The following SYNPO2 variants were observed in gnomAD, a reference collection of about 807,000 sequenced individuals.
SYNPO2 encodes the protein synaptopodin-2.
A neutral mutation model predicts 85.0 loss-of-function variants in SYNPO2; 56 were observed. The ratio of observed to expected loss-of-function variants is 0.66; its 90% CI spans 0.53 to 0.82. The LOEUF is 0.82. Ranked by LOEUF, SYNPO2 falls within the 40% of genes least tolerant of loss-of-function variation. The probability of loss-of-function intolerance (pLI) is 0.00; values close to 1 mark genes in which losing one functional copy is unlikely to be tolerated. For synonymous variants in SYNPO2, 602 were observed against 591.1 expected (o/e 1.02, Z -0.27); for missense variants, 1,575 against 1,534.2 (o/e 1.03, Z -0.44).
At chr4:119,012,959 C>A (rs867110910) in intron 1 of SYNPO2, among the ~76,000 whole-genome samples, 12 of 152,136 alleles carry the variant, frequency 7.9e-5, no homozygotes, top group African/African-American at 1.4e-4. Flanking sequence ...TCCTGTCCAA[C>A]TCAGATATTC....
At chr4:118,928,706 C>T (rs950086983) in intron 1 of SYNPO2, among the ~76,000 whole-genome samples, 1 of 152,062 alleles carries the variant, frequency 6.6e-6, no homozygotes, top group Non-Finnish European at 1.5e-5. Context: ...GGAGGTTAGC[C>T]TGTTTATTAG....
At chr4:118,856,921 A>G (rs1014284433) in intron 1 of SYNPO2, among the ~76,000 whole-genome samples, 4 of 152,168 alleles carry the variant, frequency 2.6e-5, no homozygotes, top group South Asian at 2.1e-4. Flanking sequence ...TTCATTCTGT[A>G]TGGTATTTTA....
chr4:118,969,709 C>T lies in SYNPO2; in HGVS notation c.106-53721C>T, dbSNP rs775764804. 1.3e-4 allele frequency among the ~76,000 whole-genome samples: 19 copies of T among 150,736 alleles called. No individual in the cohort carries two copies. In the East Asian group the frequency reaches 1.4e-3, roughly 11 times the overall value. On this transcript the variant is annotated intron_variant, in intron 1 of 4. Transcript: ENST00000307142. The stretch of plus-strand genomic sequence containing the variant: ...TTCTGGGGTTTTATTAAGTTCTGGG[C>T]GTTCTTTCTATAAGGTCACTAATAT...
rs181268862 is a variant in SYNPO2, at chr4:118,870,984, C to G, written c.12+20044C>G. Among the ~76,000 whole-genome samples, 51 of 152,318 alleles carry G rather than the reference C, an allele frequency of 3.3e-4. 1 individual carries two copies. The highest frequency in any genetic ancestry group is 1.1e-3 in the African/African-American group (45 of 41,574). On this transcript the variant is annotated intron_variant, in intron 1 of 4. Coordinates refer to the SYNPO2 transcript ENST00000610556. ...AGGAGAATATCAAGGTTCAGAAAGA[C>G]AAGTGACACCCAAGACTGCAGAAAT...
At chr4:118,965,887 C>T (rs1054695115) in intron 1 of SYNPO2, among the ~76,000 whole-genome samples, 4 of 151,368 alleles carry the variant, frequency 2.6e-5, no homozygotes, top group East Asian at 2.0e-4. Flanking sequence ...GTTCAAGACC[C>T]GACTGGGCAA....
upstream of SYNPO2, among the ~76,000 whole-genome samples, chr4:118,885,194 A>T (rs1164021100): frequency 6.6e-6 from 1 of 152,226 alleles, no homozygotes; most frequent in East Asian, 1.9e-4. Flanking sequence ...AGAAGTAGGT[A>T]GTGGGAGGCA....
In SYNPO2 at chr4:119,057,524, A is replaced by G; in HGVS notation, c.3376A>G (p.Asn1126Asp). The G allele has an allele frequency of 1.2e-6, 2 of 1,614,104 alleles. No homozygotes were observed. The highest frequency in any genetic ancestry group is 1.1e-5 in the South Asian group (1 of 91,070). The change falls in exon 5 of 5, where the codon AAC becomes GAC. Residue 1126 changes from asparagine (N) to aspartate (D), a missense_variant. By Grantham distance (23) the Asn-to-Asp change is conservative. Around this residue, in one of 3 missense-constraint regions of SYNPO2, gnomAD observed 1,508 missense variants for 1,446.8 expected, o/e 1.04. Coordinates refer to ENST00000307142, the MANE Select transcript of SYNPO2 (RefSeq NM_133477.3). Reference sequence around the variant, plus strand: ...ACCAACCGATGGACTAGAGAAAGCAAACAAGAGACCAACTCCTTGGGAAGC... The same window carrying G: ...ACCAACCGATGGACTAGAGAAAGCAGACAAGAGACCAACTCCTTGGGAAGC... ...SKPTDGLEKANKRPTPWEAAA... is the reference protein window; with the variant it reads ...SKPTDGLEKADKRPTPWEAAA...
rs191985900 is a variant in SYNPO2 at position 118,976,279 on chromosome 4, C to A, written c.106-47151C>A. On this transcript the variant is annotated intron_variant, in intron 1 of 4. Transcript: ENST00000307142. ...CTGCAGACCTTTGCAGTGAGTGTTACAGCTCTTAAGGCAGCGCGTCTGGAG... is the reference window on the plus strand; with the variant it reads ...CTGCAGACCTTTGCAGTGAGTGTTAAAGCTCTTAAGGCAGCGCGTCTGGAG... Among the ~76,000 whole-genome samples, 335 of 152,166 alleles carry A rather than the reference C, an allele frequency of 2.2e-3. 6 individuals are homozygous for A. The highest frequency in any genetic ancestry group is 9.0e-3 in the East Asian group (46 of 5,136).
At chr4:119,016,069 G>C (rs1737514577) in intron 1 of SYNPO2, among the ~76,000 whole-genome samples, 1 of 152,198 alleles carries the variant, frequency 6.6e-6, no homozygotes, top group South Asian at 2.1e-4. Flanking sequence ...GTAATGTCCA[G>C]AAGTTTTAGT....
At chr4:118,968,129 A>T (rs1735384764) in intron 1 of SYNPO2, among the ~76,000 whole-genome samples, 1 of 152,198 alleles carries the variant, frequency 6.6e-6, no homozygotes, top group Admixed American at 6.5e-5. Context: ...CTTGCTGAAA[A>T]ACCACAAGAT....
chr4:118,944,970 G>A (rs1734446801), intron 1 of SYNPO2, among the ~76,000 whole-genome samples: 1 of 152,174 alleles, frequency 6.6e-6, no homozygotes, highest in Admixed American at 6.5e-5. Context: ...ACTTGTGCAT[G>A]ACCTTGGACT....
chr4:118,943,788 G>A (rs1578572515), intron 1 of SYNPO2, among the ~76,000 whole-genome samples: 1 of 152,270 alleles, frequency 6.6e-6, no homozygotes, highest in East Asian at 1.9e-4. Context: ...TGACTCTAAA[G>A]GCAATTTTAA....
chr4:118,888,869 A>AGGCGGGTGGGGC lies in SYNPO2; in HGVS notation c.-163_-162insGTGGGGCGGCGG. On this transcript the variant is annotated 5_prime_UTR_variant, in exon 1 of 5. Transcript: ENST00000307142. ...CCCATTAGCCGCACAAATTCGCAGC[A>AGGCGGGTGGGGC]GGCGGCTGGGGCGGCGGCTGGGGCA... 4 of 669,550 alleles carry AGGCGGGTGGGGC rather than the reference A, an allele frequency of 6.0e-6. No individual in the cohort carries two copies. In the South Asian group the frequency reaches 7.0e-5, roughly 12 times the overall value. The allele number at this position is 669,550 out of a possible 1,614,324, so 41.5% of individuals were successfully genotyped here. A position where few individuals can be genotyped will look rare whatever the true frequency, so the allele number is the denominator to read the frequency against.
Position 119,031,578 on chromosome 4 carries a change from C to T in SYNPO2, c.2803C>T (p.Leu935=). Residue 935 remains leucine (L), a synonymous_variant, in exon 4 of 5, where the codon CTG becomes TTG. Coordinates refer to ENST00000307142, the MANE Select transcript of SYNPO2 (RefSeq NM_133477.3). ...YNPIHSPSYP[L]AALKSQPSAA... ...TCCTATCCACTCGCCGTCTTACCCA[C>T]TGGCTGCTCTCAAGTCTCAGCCATC... 6.2e-7 allele frequency: 1 copy of T among 1,614,200 alleles called. No homozygotes were observed. The highest frequency in any genetic ancestry group is 1.3e-5 in the African/African-American group (1 of 75,038).
At chr4:118,913,809 T>C (rs1207509109) in intron 1 of SYNPO2, among the ~76,000 whole-genome samples, 4 of 152,188 alleles carry the variant, frequency 2.6e-5, no homozygotes, top group African/African-American at 4.8e-5. Flanking sequence ...GGTTTAAAAG[T>C]CTCTGTCTTC....
At chr4:118,892,158 G>A (rs1484266916) in intron 1 of SYNPO2, among the ~76,000 whole-genome samples, 2 of 152,150 alleles carry the variant, frequency 1.3e-5, no homozygotes, top group Admixed American at 6.5e-5. Flanking sequence ...TGAACTATAC[G>A]CAAACCCCAA....
chr4:118,878,983 T>C (rs1293080918), intron 1 of SYNPO2, among the ~76,000 whole-genome samples: 1 of 152,178 alleles, frequency 6.6e-6, no homozygotes, highest in Non-Finnish European at 1.5e-5. Flanking sequence ...CGAAGGTCTG[T>C]GGCTTCACTC....
At chr4:119,041,324 C>A (rs1436396853) in intron 4 of SYNPO2, among the ~76,000 whole-genome samples, 1 of 152,132 alleles carries the variant, frequency 6.6e-6, no homozygotes. Flanking sequence ...CCCCTTTGTT[C>A]TTTTTTCACC....
intron 4 of SYNPO2, among the ~76,000 whole-genome samples, chr4:119,047,440 C>T (rs1738906084): frequency 6.6e-6 from 1 of 152,206 alleles, no homozygotes; most frequent in South Asian, 2.1e-4. Flanking sequence ...ATTATGTGCC[C>T]TTCTTGGCAG....
Sources: gnomAD v4.1 joint callset for allele counts (sites outside exome capture counted in the v4.1 genomes callset) on GRCh38, gnomAD v4.1.1 for gene constraint, gnomAD v4.1.1 regional missense constraint, MANE v1.5 for transcripts, NCBI Gene and HGNC (gene_info 2026-07-23, HGNC 2026-07-21) for gene names.